AIDA: variants seen among roughly 807,000 people sequenced by gnomAD.
AIDA encodes axin interactor, dorsalization associated, also known as axin interactor, dorsalization-associated protein.
A neutral mutation model predicts 42.7 loss-of-function variants in AIDA; 18 were observed. That is an observed-to-expected ratio of 0.42 (90% confidence interval 0.29 to 0.63). The LOEUF (loss-of-function observed/expected upper bound fraction) is 0.63. Among genes scored for constraint, AIDA ranks in the 20% least tolerant of loss-of-function variants. AIDA has a pLI of 0.19. For missense variants in AIDA, 250 were observed against 354.1 expected, an observed-to-expected ratio of 0.71 and a Z score of 2.36; for synonymous variants, 104 against 122.9, an observed-to-expected ratio of 0.85 and a Z score of 1.02.
chr1:222,700,711 C>A (rs1180239711), intron 2 of AIDA, among the ~76,000 whole-genome samples: 5 of 149,682 alleles, frequency 3.3e-5, no homozygotes, highest in African/African-American at 4.9e-5. Context: ...GCCGAGATAG[C>A]GCCACTGCAC....
At chr1:222,689,485 A>ATGTG (rs1394668587) in intron 4 of AIDA, among the ~76,000 whole-genome samples, 6 of 35,396 alleles carry the variant, frequency 1.7e-4, no homozygotes, top group African/African-American at 4.8e-4. Context: ...GTGTGTGTAT[A>ATGTG]TATATATATA....
intron 7 of AIDA, among the ~76,000 whole-genome samples, chr1:222,675,410 G>A (rs576455284): frequency 6.6e-6 from 1 of 152,278 alleles, no homozygotes; most frequent in South Asian, 2.1e-4. Flanking sequence ...TTGAAAGACT[G>A]AAAATGTTGT....
At chr1:222,683,900 G>C (rs111301743) in intron 6 of AIDA, among the ~76,000 whole-genome samples, 2,124 of 152,132 alleles carry the variant, frequency 0.014, 51 homozygotes, top group African/African-American at 0.049. Context: ...TATCAAGAAA[G>C]GTAAGTAAGC....
chr1:222,698,022 G>C (rs1163203909), intron 2 of AIDA, among the ~76,000 whole-genome samples: 2 of 152,178 alleles, frequency 1.3e-5, no homozygotes, highest in Admixed American at 6.5e-5. Flanking sequence ...ACTTACTTGA[G>C]AAAATCTACT....
At position 222,670,234 on chromosome 1, in the gene AIDA, AAAG is replaced by A. The variant is rs1664421645; in HGVS notation, c.720_722del (p.Phe241del). The A allele has an allele frequency of 1.9e-6, 3 of 1,613,698 alleles. No homozygotes were observed. In the Admixed American group the frequency reaches 5.0e-5, roughly 27 times the overall value. ...TTTTAGGCTTGTAGTGTTTGAATTC[AAAG>A]AAGATAGCTGCACCTAAGGAATTAA... On this transcript the variant is annotated inframe_deletion, in exon 9 of 10. Transcript: ENST00000340020.
chr1:222,676,504 TTAA>T (rs1664546051), intron 6 of AIDA, among the ~76,000 whole-genome samples: 1 of 152,226 alleles, frequency 6.6e-6, no homozygotes, highest in Non-Finnish European at 1.5e-5. Flanking sequence ...TACCACATAA[TTAA>T]TAATAAACTC....
intron 6 of AIDA, among the ~76,000 whole-genome samples, chr1:222,676,821 G>A (rs1664552098): frequency 6.6e-6 from 1 of 150,616 alleles, no homozygotes; most frequent in Non-Finnish European, 1.5e-5. Flanking sequence ...AGTTACTATT[G>A]ATATAGGAAA....
At chr1:222,699,983 C>T (rs568267688) in intron 2 of AIDA, among the ~76,000 whole-genome samples, 2 of 152,138 alleles carry the variant, frequency 1.3e-5, no homozygotes, top group Admixed American at 1.3e-4. Flanking sequence ...TGAATTCGAT[C>T]TCCTGACCTC....
At chr1:222,671,073 T>A (rs769936891) in intron 8 of AIDA, among the ~76,000 whole-genome samples, 50 of 151,504 alleles carry the variant, frequency 3.3e-4, no homozygotes, top group Non-Finnish European at 6.0e-4. Flanking sequence ...AAAAAAATTT[T>A]AAAAATAGCC....
At chr1:222,676,938 A>C (rs569500988) in intron 6 of AIDA, among the ~76,000 whole-genome samples, 288 of 149,626 alleles carry the variant, frequency 1.9e-3, no homozygotes, top group Non-Finnish European at 2.9e-3. Flanking sequence ...AAAAAAACAA[A>C]CAAAAAAAAA....
chr1:222,687,513 G>A (rs1435930601), intron 5 of AIDA, 82 bp downstream of exon 5: 5 of 1,184,126 alleles, frequency 4.2e-6, no homozygotes, highest in Non-Finnish European at 5.9e-6. Context: ...TAATACCAAA[G>A]TTGATATTTA....
intron 7 of AIDA, 119 bp from the exon 8 acceptor site, chr1:222,673,554 A>T: frequency 1.5e-6 from 1 of 646,798 alleles, no homozygotes. Context: ...AGGCGGGCAG[A>T]TGACAAGGTC....
intron 4 of AIDA, among the ~76,000 whole-genome samples, chr1:222,691,499 A>C (rs1344251740): frequency 6.6e-6 from 1 of 152,104 alleles, no homozygotes; most frequent in Non-Finnish European, 1.5e-5. Flanking sequence ...ACAAGTATAA[A>C]CCTACATTAT....
intron 2 of AIDA, 80 bp downstream of exon 2, chr1:222,703,068 T>G (rs879294538): frequency 2.0e-5 from 24 of 1,179,576 alleles, no homozygotes; most frequent in Non-Finnish European, 2.6e-5. Flanking sequence ...TTTTGTTGTT[T>G]TTTGTTTTGC....
At position 222,712,473 on chromosome 1, in the gene AIDA, C is replaced by G. The variant is rs1656117056; in HGVS notation, c.-156G>C. ...CCGAGGAGCCGCCCAAGCCCATTTG[C>G]CGCCACAGCCAAACTTTGCGGCTCC... On this transcript the variant is annotated 5_prime_UTR_variant, in exon 1 of 10. Coordinates refer to ENST00000340020, the MANE Select transcript of AIDA (RefSeq NM_022831.4). 7.0e-7 allele frequency: 1 copy of G among 1,421,034 alleles called. No individual in the cohort carries two copies. Among genetic ancestry groups the G allele is most frequent in the African/African-American group, 1.5e-5 (1 of 68,568 alleles). The allele number at this position is 1,421,034 out of a possible 1,614,324, so 88.0% of individuals were successfully genotyped here.
rs372220037 is a variant in AIDA at position 222,708,759 on chromosome 1, G to A, written c.110+3449C>T. On this transcript the variant is annotated intron_variant, in intron 1 of 9. Coordinates refer to ENST00000340020, the MANE Select transcript of AIDA (RefSeq NM_022831.4). The stretch of plus-strand genomic sequence containing the variant: ...TCTGATTCTGAGCAACAGTTTCTGT[G>A]CCACTCTACCATAAGTTAGGGGCCA... Among the ~76,000 whole-genome samples, 33 of 152,210 alleles carry A rather than the reference G, an allele frequency of 2.2e-4. No homozygotes were observed. The East Asian group carries it at 3.9e-3, about 18-fold the overall frequency.
intron 2 of AIDA, among the ~76,000 whole-genome samples, chr1:222,695,689 C>A (rs1655499199): frequency 6.6e-6 from 1 of 152,118 alleles, no homozygotes; most frequent in African/African-American, 2.4e-5. Context: ...TAATTATGCC[C>A]ATCAAGGCTT....
intron 6 of AIDA, among the ~76,000 whole-genome samples, chr1:222,686,344 A>C (rs745468275): frequency 7.2e-5 from 11 of 152,178 alleles, no homozygotes; most frequent in South Asian, 2.1e-4. Context: ...CACTGTGCCT[A>C]AACTGTGTGA....
intron 4 of AIDA, among the ~76,000 whole-genome samples, chr1:222,689,483 A>ATG (rs1316601594): frequency 2.6e-3 from 75 of 28,840 alleles, no homozygotes; most frequent in South Asian, 9.1e-3. Context: ...GTGTGTGTGT[A>ATG]TATATATATA....
Sources: allele counts gnomAD v4.1 joint callset (sites outside exome capture counted in the v4.1 genomes callset), GRCh38; gene constraint gnomAD v4.1.1; transcripts MANE v1.5; gene names NCBI Gene and HGNC (gene_info 2026-07-23, HGNC 2026-07-21).